The following MIA2 variants were observed in gnomAD, a reference collection of about 807,000 sequenced individuals.
The protein encoded by MIA2 is melanoma inhibitory activity protein 2.
MIA2 carries 127 observed loss-of-function variants against 167.8 expected under a neutral mutation model. The observed-to-expected ratio is 0.76, with a 90% confidence interval of 0.66 to 0.88. The LOEUF (loss-of-function observed/expected upper bound fraction) is 0.88. MIA2 is among the 40% of genes least tolerant of loss of function. MIA2 has a pLI of 0.00. For missense variants in MIA2, 1,690 were observed against 1,624.7 expected, an observed-to-expected ratio of 1.04 and a Z score of -0.69; for synonymous variants, 552 against 541.9, an observed-to-expected ratio of 1.02 and a Z score of -0.26.
chr14:39,320,796 T>A, intron 23 of MIA2, 132 bp from the exon 24 acceptor site: 1 of 885,852 alleles, frequency 1.1e-6, no homozygotes. Flanking sequence ...AATCAAAGGA[T>A]ACATTCAGGA....
chr14:39,348,319 AT>A (rs1410696075), intron 27 of MIA2, among the ~76,000 whole-genome samples: 1 of 152,204 alleles, frequency 6.6e-6, no homozygotes, highest in African/African-American at 2.4e-5. Context: ...TTAGTTTAAG[AT>A]TTTAGTTCCC....
intron 18 of MIA2, among the ~76,000 whole-genome samples, chr14:39,309,261 A>C (rs1351108638): frequency 6.6e-6 from 1 of 152,136 alleles, no homozygotes; most frequent in Admixed American, 6.5e-5. Context: ...GACCCTTAAA[A>C]TGTGAATTGT....
In MIA2 at chr14:39,256,904, C is replaced by T. The variant is rs75053696; in HGVS notation, c.1887+3733C>T. ...GAAAGAAAACTTATCTGAGCTTTAA[C>T]GGTAATCAAGTTGGTTTTGAGTGAG... On this transcript the variant is annotated intron_variant, in intron 6 of 28. Coordinates refer to ENST00000640607, the MANE Select transcript of MIA2 (RefSeq NM_001329214.4). 3.3e-4 allele frequency among the ~76,000 whole-genome samples: 50 copies of T among 152,228 alleles called. No homozygotes were observed. The East Asian group carries it at 8.3e-3, about 25-fold the overall frequency.
intron 15 of MIA2, 46 bp from the exon 16 acceptor site, chr14:39,303,431 TG>T: frequency 7.2e-7 from 1 of 1,392,078 alleles, no homozygotes; most frequent in East Asian, 2.3e-5. Flanking sequence ...ATTGTCGTAT[TG>T]TACTATTTTC....
At chr14:39,297,853 T>C (rs939627296) in intron 13 of MIA2, among the ~76,000 whole-genome samples, 14 of 152,158 alleles carry the variant, frequency 9.2e-5, no homozygotes, top group Non-Finnish European at 1.6e-4. Flanking sequence ...ACCCCTGGTA[T>C]TTGTGCCTTC....
chr14:39,358,318 C>G (rs1685035720), intron 23 of MIA2, among the ~76,000 whole-genome samples: 1 of 152,174 alleles, frequency 6.6e-6, no homozygotes, highest in Admixed American at 6.5e-5. Flanking sequence ...TTCCATCACT[C>G]ATACCCTTTC....
At chr14:39,279,401 A>G in intron 8 of MIA2, 43 bp downstream of exon 8, 1 of 1,604,170 alleles carries the variant, frequency 6.2e-7, no homozygotes, top group South Asian at 1.1e-5. Flanking sequence ...TTGTGTTGTA[A>G]AAACTTATAA....
At chr14:39,346,993 C>A in intron 26 of MIA2, 1 of 210,622 alleles carries the variant, frequency 4.7e-6, no homozygotes, top group South Asian at 6.6e-5. Flanking sequence ...GCAGTGGCTC[C>A]ATCTCGGCTC....
chr14:39,359,765 T>A (rs117691250), intron 23 of MIA2, among the ~76,000 whole-genome samples: 1 of 152,344 alleles, frequency 6.6e-6, no homozygotes, highest in East Asian at 1.9e-4. Flanking sequence ...GTGTCTTTGC[T>A]ATTGTCAGTA....
At chr14:39,368,685 TTTTG>T (rs2074873732) in intron 23 of MIA2, among the ~76,000 whole-genome samples, 1 of 150,906 alleles carries the variant, frequency 6.6e-6, no homozygotes, top group South Asian at 2.1e-4. Context: ...CTTTTCTTTT[TTTTG>T]TTTTTTTTTT....
intron 18 of MIA2, among the ~76,000 whole-genome samples, chr14:39,311,495 T>G (rs1298936714): frequency 6.5e-5 from 7 of 108,022 alleles, no homozygotes; most frequent in Admixed American, 3.9e-4. Flanking sequence ...TTTTTTTTGG[T>G]GAGATGAAGT....
chr14:39,382,181 G>A (rs2075179018), intron 23 of MIA2, among the ~76,000 whole-genome samples: 1 of 152,168 alleles, frequency 6.6e-6, no homozygotes, highest in African/African-American at 2.4e-5. Flanking sequence ...CTCCAGAAAA[G>A]GAGTTGTACA....
At chr14:39,280,947 C>G (rs1374687639) in intron 9 of MIA2, among the ~76,000 whole-genome samples, 2 of 22,494 alleles carry the variant, frequency 8.9e-5, no homozygotes, top group Non-Finnish European at 6.1e-5. Flanking sequence ...GAGACAGCGT[C>G]TCTCTCTCTC....
intron 23 of MIA2, among the ~76,000 whole-genome samples, chr14:39,377,914 A>G (rs1450750150): frequency 1.3e-5 from 2 of 152,180 alleles, no homozygotes; most frequent in Non-Finnish European, 2.9e-5. Context: ...TGAGGTCCCA[A>G]GAAAACTTGG....
chr14:39,355,748 A>C (rs774730554), downstream of MIA2, among the ~76,000 whole-genome samples: 65 of 152,118 alleles, frequency 4.3e-4, no homozygotes, highest in Non-Finnish European at 8.5e-4. Flanking sequence ...ATTTATTGAG[A>C]GTTTTTGGCA....
In MIA2 at chr14:39,315,590, T is replaced by C. The variant is rs1595516414; in HGVS notation, c.3181-93T>C. On this transcript the variant is annotated intron_variant, in intron 20 of 28. Transcript: ENST00000640607. The stretch of plus-strand genomic sequence containing the variant: ...CTCTTCAGAGATGCTTGGGATAGTT[T>C]TGAGTTGTGCACTACATCATAGTGG... 7 of 924,492 alleles carry C rather than the reference T, an allele frequency of 7.6e-6. No homozygotes were observed. The East Asian group carries it at 1.5e-4, about 20-fold the overall frequency. 57.3% of individuals were successfully genotyped at this position (924,492 alleles called of 1,614,324 possible).
At chr14:39,367,533 A>G (rs1215846203) in intron 23 of MIA2, among the ~76,000 whole-genome samples, 2 of 152,092 alleles carry the variant, frequency 1.3e-5, no homozygotes, top group African/African-American at 2.4e-5. Flanking sequence ...ATGTTGCAGG[A>G]GTTTGCAGTG....
chr14:39,260,429 G>T (rs1414005311), intron 6 of MIA2, among the ~76,000 whole-genome samples: 1 of 152,152 alleles, frequency 6.6e-6, no homozygotes, highest in East Asian at 1.9e-4. Flanking sequence ...TCTCATTGTG[G>T]TTTTGATTTG....
At chr14:39,328,568 A>G (rs1263902509) in intron 25 of MIA2, among the ~76,000 whole-genome samples, 1 of 152,086 alleles carries the variant, frequency 6.6e-6, no homozygotes, top group African/African-American at 2.4e-5. Flanking sequence ...GGTATTGCCT[A>G]GGTTTTCTTG....
Sources: gnomAD v4.1 joint callset for allele counts (sites outside exome capture counted in the v4.1 genomes callset) on GRCh38, gnomAD v4.1.1 for gene constraint, MANE v1.5 for transcripts, NCBI Gene and HGNC (gene_info 2026-07-23, HGNC 2026-07-21) for gene names.